The following COL11A1 variants were observed in gnomAD, a reference collection of about 807,000 sequenced individuals.
COL11A1 encodes the protein collagen alpha-1(XI) chain.
A neutral mutation model predicts 265.2 loss-of-function variants in COL11A1; 74 were observed. The ratio of observed to expected loss-of-function variants is 0.28; its 90% CI spans 0.23 to 0.34. The LOEUF is 0.34. Among genes scored for constraint, COL11A1 ranks in the 10% least tolerant of loss-of-function variants. The pLI is 1.00. For missense variants in COL11A1, 2,165 were observed against 2,263.6 expected, an observed-to-expected ratio of 0.96 and a Z score of 0.88; for synonymous variants, 816 against 727.6, an observed-to-expected ratio of 1.12 and a Z score of -1.96.
chr1:102,989,487 G>A (rs1246891157), intron 29 of COL11A1, 31 bp downstream of exon 29: 4 of 1,434,230 alleles, frequency 2.8e-6, no homozygotes, highest in Non-Finnish European at 3.9e-6. Flanking sequence ...ATTAAATTTT[G>A]TGTACTGGTG....
chr1:103,085,787 A>G (rs1425951069), intron 1 of COL11A1, among the ~76,000 whole-genome samples: 3 of 152,130 alleles, frequency 2.0e-5, no homozygotes, highest in Non-Finnish European at 4.4e-5. Flanking sequence ...TCTGTTTTAT[A>G]TGTGTTATTT....
At chr1:103,084,204 A>G (rs184898324) in intron 1 of COL11A1, among the ~76,000 whole-genome samples, 170 of 152,206 alleles carry the variant, frequency 1.1e-3, no homozygotes, top group African/African-American at 3.9e-3. Context: ...AACATTTTTC[A>G]TCAACTCAAA....
At chr1:102,890,526 A>T (rs74108036) in intron 57 of COL11A1, 22 bp from the exon 58 acceptor site, 14 of 1,531,664 alleles carry the variant, frequency 9.1e-6, no homozygotes, top group Non-Finnish European at 8.9e-7. Context: ...CAAAAAAAAA[A>T]CCCCAAAACA....
chr1:102,912,319 T>C (rs181435790), intron 53 of COL11A1, 107 bp from the exon 54 acceptor site: 10 of 816,400 alleles, frequency 1.2e-5, no homozygotes, highest in Admixed American at 1.1e-4. Flanking sequence ...CATTTCCACA[T>C]GTCAATATTT....
intron 22 of COL11A1, 72 bp from the exon 23 acceptor site, chr1:103,002,553 A>C (rs1665210977): frequency 3.0e-6 from 4 of 1,329,436 alleles, no homozygotes; most frequent in Admixed American, 3.9e-5. Context: ...TCTCAATTGG[A>C]AAATACCTCT....
chr1:103,065,496 G>A (rs1671041695), intron 4 of COL11A1, among the ~76,000 whole-genome samples: 1 of 131,022 alleles, frequency 7.6e-6, no homozygotes, highest in Non-Finnish European at 1.6e-5. Flanking sequence ...CTCCAGCCTG[G>A]GCGACAGAAG....
chr1:102,946,696 TCTC>T (rs1356432993), intron 42 of COL11A1, among the ~76,000 whole-genome samples, 150 bp downstream of exon 42: 1 of 152,216 alleles, frequency 6.6e-6, no homozygotes, highest in Admixed American at 6.5e-5. Context: ...TTTGAAATTT[TCTC>T]TATTATACAT....
chr1:102,946,330 A>AC (rs5776669), intron 42 of COL11A1, among the ~76,000 whole-genome samples: 6 of 150,770 alleles, frequency 4.0e-5, no homozygotes, highest in African/African-American at 9.8e-5. Flanking sequence ...AGTATAATAA[A>AC]CCCCCCCCCA....
rs191583240 is a variant in COL11A1, at chr1:103,097,912, C to G, written c.106+10161G>C. Among the ~76,000 whole-genome samples the G allele has an allele frequency of 3.3e-5, 5 of 152,000 alleles. No individual in the cohort carries two copies. The East Asian group carries it at 9.6e-4, about 29-fold the overall frequency. ...AACTTTTACAGTTATTGAACAGACT[C>G]AATCCTGAACTTTTTTATATCATAA... On this transcript the variant is annotated intron_variant, in intron 1 of 66. Transcript: ENST00000370096.
At chr1:102,976,725 C>T (rs2101665677) in intron 35 of COL11A1, among the ~76,000 whole-genome samples, 1 of 152,122 alleles carries the variant, frequency 6.6e-6, no homozygotes, top group East Asian at 1.9e-4. Flanking sequence ...TAAATTTGAG[C>T]TTTAAATAAA....
chr1:103,108,370 T>C lies in COL11A1; in HGVS notation c.-192A>G, dbSNP rs1293862606. ...TCTTCGTGTCTCTAGCCCTTTCCTC[T>C]CCCTCTGAGTTGGCCCCACCGGCCG... On this transcript the variant is annotated 5_prime_UTR_variant, in exon 1 of 67. Coordinates refer to ENST00000370096, the MANE Select transcript of COL11A1 (RefSeq NM_001854.4). 3.1e-6 allele frequency: 2 copies of C among 639,280 alleles called. No individual in the cohort carries two copies. Among genetic ancestry groups the C allele is most frequent in the South Asian group, 3.6e-5 (2 of 55,952 alleles). 39.6% of individuals were successfully genotyped at this position (639,280 alleles called of 1,614,324 possible). A position where few individuals can be genotyped will look rare whatever the true frequency, so the allele number is the denominator to read the frequency against.
intron 3 of COL11A1, among the ~76,000 whole-genome samples, chr1:103,077,880 T>C (rs148095281): frequency 6.6e-6 from 1 of 152,102 alleles, no homozygotes; most frequent in African/African-American, 2.4e-5. Context: ...ACTTAAACTC[T>C]CTGAGCCTCA....
intron 24 of COL11A1, among the ~76,000 whole-genome samples, chr1:103,000,395 C>T (rs1664997539): frequency 6.6e-6 from 1 of 151,828 alleles, no homozygotes; most frequent in Non-Finnish European, 1.5e-5. Context: ...GATATGTCTG[C>T]TCTTACAACT....
chr1:103,100,426 C>T (rs1674157633), intron 1 of COL11A1: 2 of 151,944 alleles, frequency 1.3e-5, no homozygotes, highest in Non-Finnish European at 2.9e-5. Flanking sequence ...TATTTGATGG[C>T]TCCCAGAAAC....
intron 46 of COL11A1, among the ~76,000 whole-genome samples, chr1:102,927,002 A>T (rs1349778881): frequency 1.3e-5 from 2 of 152,172 alleles, no homozygotes; most frequent in Non-Finnish European, 2.9e-5. Context: ...GATAAATAAA[A>T]AATCTTGTTA....
At chr1:103,079,309 G>A (rs1672220715) in intron 2 of COL11A1, among the ~76,000 whole-genome samples, 1 of 152,032 alleles carries the variant, frequency 6.6e-6, no homozygotes, top group Non-Finnish European at 1.5e-5. Context: ...TCTTTCTGTT[G>A]TTTCTTTAAA....
At chr1:103,027,394 C>A (rs956560678) in intron 5 of COL11A1, among the ~76,000 whole-genome samples, 1 of 94,486 alleles carries the variant, frequency 1.1e-5, no homozygotes, top group African/African-American at 4.1e-5. Flanking sequence ...AGTTAAAACT[C>A]TAATATATAT....
rs1422557114 is a variant in COL11A1, at chr1:102,910,262, A to T, written c.4086+1897T>A. On this transcript the variant is annotated intron_variant, in intron 54 of 66. Transcript: ENST00000370096. Reference sequence around the variant, plus strand: ...GTTTTCAAAATGAATAATTCATGTGACCCACCACTGAATGGCTAAAGAAAC... The same window carrying T: ...GTTTTCAAAATGAATAATTCATGTGTCCCACCACTGAATGGCTAAAGAAAC... Among the ~76,000 whole-genome samples, 7 of 152,148 alleles carry T rather than the reference A, an allele frequency of 4.6e-5. No individual in the cohort carries two copies. The South Asian group carries it at 1.4e-3, about 31-fold the overall frequency.
chr1:102,922,979 C>A (rs951127938), intron 47 of COL11A1, among the ~76,000 whole-genome samples: 10 of 152,126 alleles, frequency 6.6e-5, no homozygotes, highest in African/African-American at 2.4e-4. Context: ...CAATTATATG[C>A]ATTTCAAATT....
Sources: gnomAD v4.1 joint callset for allele counts (sites outside exome capture counted in the v4.1 genomes callset) on GRCh38, gnomAD v4.1.1 for gene constraint, MANE v1.5 for transcripts, NCBI Gene and HGNC (gene_info 2026-07-23, HGNC 2026-07-21) for gene names.